The following CARMIL1 variants were observed in gnomAD, a reference collection of about 807,000 sequenced individuals.
The protein encoded by CARMIL1 is capping protein regulator and myosin 1 linker 1, also known as F-actin-uncapping protein LRRC16A.
CARMIL1 carries 90 observed loss-of-function variants against 177.1 expected under a neutral mutation model. The ratio of observed to expected loss-of-function variants is 0.51; its 90% confidence interval spans 0.43 to 0.61. The LOEUF is 0.61. Among genes scored for constraint, CARMIL1 ranks in the 20% least tolerant of loss-of-function variants. The pLI is 0.00. For missense variants in CARMIL1, 1,380 were observed against 1,667.0 expected, an observed-to-expected ratio of 0.83 and a Z score of 3.00; for synonymous variants, 577 against 606.2, an observed-to-expected ratio of 0.95 and a Z score of 0.71.
At chr6:25,497,464 C>G (rs756697769) in intron 16 of CARMIL1, among the ~76,000 whole-genome samples, 7 of 152,058 alleles carry the variant, frequency 4.6e-5, no homozygotes, top group Non-Finnish European at 8.8e-5. Flanking sequence ...TAAGGACATT[C>G]TCTTGGGATT....
At chr6:25,545,342 A>T (rs1809345758) in intron 26 of CARMIL1, among the ~76,000 whole-genome samples, 1 of 152,178 alleles carries the variant, frequency 6.6e-6, no homozygotes, top group South Asian at 2.1e-4. Context: ...CCAGAGAGAA[A>T]CAGGTCCGTG....
intron 3 of CARMIL1, among the ~76,000 whole-genome samples, chr6:25,425,162 A>G (rs530453795): frequency 1.6e-4 from 25 of 152,356 alleles, no homozygotes; most frequent in African/African-American, 6.0e-4. Context: ...CTTGGAGGAC[A>G]AAACAAACGT....
chr6:25,581,367 G>A lies in CARMIL1; in HGVS notation c.2934G>A (p.Glu978=), dbSNP rs746459892. The A allele has an allele frequency of 6.2e-7, 1 of 1,613,738 alleles. No homozygotes were observed. Among genetic ancestry groups the A allele is most frequent in the Admixed American group, 1.7e-5 (1 of 59,984 alleles). The change falls in exon 31 of 37, where the codon GAG becomes GAA. Residue 978 remains glutamate, a synonymous_variant. Transcript: ENST00000329474. ...SGFISELPSE[E]GKKLEHFTKL... ...TTATCTCTGAGTTGCCCTCTGAAGA[G>A]GGGAAGAAGCTGGAACACTTTACCA...
chr6:25,528,521 C>T (rs1045810841), intron 23 of CARMIL1, among the ~76,000 whole-genome samples: 1 of 152,130 alleles, frequency 6.6e-6, no homozygotes, highest in African/African-American at 2.4e-5. Flanking sequence ...GTCTCTAACC[C>T]TTCAGGCAAT....
At chr6:25,619,358 CT>C in intron 36 of CARMIL1, 88 bp from the exon 37 acceptor site, 3 of 1,391,574 alleles carry the variant, frequency 2.2e-6, no homozygotes, top group Non-Finnish European at 2.9e-6. Flanking sequence ...TCCCCCAAAC[CT>C]TCAAGGCTAC....
At chr6:25,359,350 C>T (rs1788959092) in intron 2 of CARMIL1, among the ~76,000 whole-genome samples, 1 of 152,228 alleles carries the variant, frequency 6.6e-6, no homozygotes, top group Admixed American at 6.5e-5. Context: ...ATGCATACTT[C>T]TCTGACCTCT....
At chr6:25,616,495 G>A (rs530369773) in intron 36 of CARMIL1, among the ~76,000 whole-genome samples, 17 of 152,258 alleles carry the variant, frequency 1.1e-4, no homozygotes, top group South Asian at 8.3e-4. Flanking sequence ...GATCACTTGA[G>A]CCCAAGAGTT....
chr6:25,549,461 A>C (rs1265582192), intron 26 of CARMIL1, among the ~76,000 whole-genome samples: 1 of 152,234 alleles, frequency 6.6e-6, no homozygotes, highest in Non-Finnish European at 1.5e-5. Flanking sequence ...CATCTCTTGC[A>C]GATGATTGGT....
Position 25,564,339 on chromosome 6 carries a change from C to T in CARMIL1, c.2742+7489C>T, listed in dbSNP as rs555155010. 3.9e-5 allele frequency among the ~76,000 whole-genome samples: 6 copies of T among 152,180 alleles called. No homozygotes were observed. The South Asian group carries it at 1.2e-3, about 32-fold the overall frequency. ...GATTTGGTACCCTGGAGAGCCTCTT[C>T]TAAATAGGCTCATTGTTTGTTTCAT... On this transcript the variant is annotated intron_variant, in intron 29 of 36. Coordinates refer to ENST00000329474, the MANE Select transcript of CARMIL1 (RefSeq NM_017640.6).
At chr6:25,394,194 G>A (rs1265769237) in intron 2 of CARMIL1, among the ~76,000 whole-genome samples, 1 of 152,072 alleles carries the variant, frequency 6.6e-6, no homozygotes, top group Non-Finnish European at 1.5e-5. Context: ...ATTTTCCCTG[G>A]GAAATGGAGC....
At chr6:25,386,868 C>T (rs1562068622) in intron 2 of CARMIL1, among the ~76,000 whole-genome samples, 2 of 151,876 alleles carry the variant, frequency 1.3e-5, no homozygotes, top group Non-Finnish European at 2.9e-5. Context: ...TGGCTCATGC[C>T]TGTAATCCTA....
chr6:25,413,693 C>T (rs1042377412), intron 2 of CARMIL1, among the ~76,000 whole-genome samples: 3 of 152,086 alleles, frequency 2.0e-5, no homozygotes, highest in African/African-American at 4.8e-5. Context: ...ATGTGGTTTG[C>T]ATGTTAAGGC....
At chr6:25,385,545 T>G (rs1792065815) in intron 2 of CARMIL1, among the ~76,000 whole-genome samples, 1 of 152,196 alleles carries the variant, frequency 6.6e-6, no homozygotes, top group African/African-American at 2.4e-5. Context: ...GTTATAGTCA[T>G]TTGGAATTTA....
At chr6:25,295,132 G>A (rs748955923) in intron 2 of CARMIL1, among the ~76,000 whole-genome samples, 6 of 151,906 alleles carry the variant, frequency 3.9e-5, no homozygotes, top group Admixed American at 6.6e-5. Flanking sequence ...AAGAAAAAGC[G>A]AACATCACCT....
intron 2 of CARMIL1, among the ~76,000 whole-genome samples, chr6:25,387,104 ACT>A (rs1209454084): frequency 9.0e-6 from 1 of 111,540 alleles, no homozygotes; most frequent in African/African-American, 3.4e-5. Flanking sequence ...ACAGAGTGAG[ACT>A]CTGTCTCCAA....
chr6:25,467,259 A>G (rs940321511), intron 9 of CARMIL1, among the ~76,000 whole-genome samples: 3 of 152,194 alleles, frequency 2.0e-5, no homozygotes, highest in Non-Finnish European at 4.4e-5. Flanking sequence ...GGGAGACCTA[A>G]GAATAGAAGT....
intron 2 of CARMIL1, among the ~76,000 whole-genome samples, chr6:25,351,461 G>C (rs940009830): frequency 1.3e-5 from 2 of 152,234 alleles, no homozygotes; most frequent in Non-Finnish European, 2.9e-5. Context: ...CTGTTGTCTA[G>C]ATCTTGGTAA....
chr6:25,479,181 T>C (rs771840584), intron 11 of CARMIL1: 1 of 519,034 alleles, frequency 1.9e-6, no homozygotes, highest in Admixed American at 1.9e-5. Context: ...GCCCCAGTGA[T>C]TACCAGCCCT....
intron 2 of CARMIL1, among the ~76,000 whole-genome samples, chr6:25,346,121 C>T (rs966619165): frequency 3.3e-5 from 5 of 152,022 alleles, no homozygotes; most frequent in Non-Finnish European, 7.4e-5. Context: ...AGTCTGTTAT[C>T]AGCTGTGTGC....
Sources: gnomAD v4.1 joint callset for allele counts (sites outside exome capture counted in the v4.1 genomes callset) on GRCh38, gnomAD v4.1.1 for gene constraint, MANE v1.5 for transcripts, NCBI Gene and HGNC (gene_info 2026-07-23, HGNC 2026-07-21) for gene names.